PHF21A: variants seen among roughly 807,000 people sequenced by gnomAD.
PHF21A encodes the protein PHD finger protein 21A.
In PHF21A, 11 loss-of-function variants were observed where a neutral mutation model predicts 82.5. The ratio of observed to expected loss-of-function variants is 0.13; its 90% CI spans 0.08 to 0.22. PHF21A has a LOEUF of 0.22. Among genes scored for constraint, PHF21A ranks in the 10% least tolerant of loss-of-function variants. The pLI is 1.00. For missense variants in PHF21A, 579 were observed against 837.8 expected, an observed-to-expected ratio of 0.69 and a Z score of 3.81; for synonymous variants, 297 against 302.8, an observed-to-expected ratio of 0.98 and a Z score of 0.20.
chr11:45,969,787 T>C, intron 9 of PHF21A, 28 bp downstream of exon 9: 4 of 1,448,220 alleles, frequency 2.8e-6, no homozygotes, highest in East Asian at 2.3e-5. Flanking sequence ...ATCTAACCTA[T>C]CATTGAGCTT....
chr11:46,017,706 A>T (rs2095544497), intron 6 of PHF21A, among the ~76,000 whole-genome samples: 1 of 152,236 alleles, frequency 6.6e-6, no homozygotes, highest in Admixed American at 6.5e-5. Context: ...ACATAAATCA[A>T]ATGCAAATGA....
chr11:46,076,042 G>A (rs1044844957), intron 6 of PHF21A, among the ~76,000 whole-genome samples: 2 of 152,138 alleles, frequency 1.3e-5, no homozygotes, highest in African/African-American at 4.8e-5. Context: ...GAAGAAACAA[G>A]AAAACAAATG....
chr11:46,006,765 T>C (rs2095305653), intron 6 of PHF21A, among the ~76,000 whole-genome samples: 1 of 152,240 alleles, frequency 6.6e-6, no homozygotes, highest in African/African-American at 2.4e-5. Flanking sequence ...TGTGATATAC[T>C]TGCCTACAAT....
chr11:46,019,868 C>A (rs1361365221), intron 6 of PHF21A, among the ~76,000 whole-genome samples: 3 of 152,130 alleles, frequency 2.0e-5, no homozygotes, highest in Non-Finnish European at 4.4e-5. Context: ...GACCACACAA[C>A]CATTAAGAAG....
intron 6 of PHF21A, among the ~76,000 whole-genome samples, chr11:46,013,560 T>C (rs936427505): frequency 6.6e-6 from 1 of 152,188 alleles, no homozygotes; most frequent in African/African-American, 2.4e-5. Flanking sequence ...TCTCTCCCCA[T>C]CTAAAGTAGA....
chr11:45,968,401 C>G (rs2093573750), intron 9 of PHF21A, among the ~76,000 whole-genome samples: 1 of 152,208 alleles, frequency 6.6e-6, no homozygotes, highest in Admixed American at 6.5e-5. Context: ...CTAACTAACT[C>G]TAGCCTGCAT....
intron 9 of PHF21A, among the ~76,000 whole-genome samples, chr11:45,969,181 A>G (rs535112712): frequency 6.6e-6 from 1 of 152,266 alleles, no homozygotes; most frequent in African/African-American, 2.4e-5. Flanking sequence ...CCTTCCTACC[A>G]AGGAAGTCAA....
intron 6 of PHF21A, among the ~76,000 whole-genome samples, chr11:46,033,196 T>C (rs779884832): frequency 1.3e-5 from 2 of 152,224 alleles, no homozygotes; most frequent in African/African-American, 2.4e-5. Context: ...TATTCCACCA[T>C]AGGAGTGTCC....
intron 15 of PHF21A, among the ~76,000 whole-genome samples, chr11:45,940,917 A>C (rs778156440): frequency 6.6e-6 from 1 of 152,216 alleles, no homozygotes. Context: ...AAGAAACAGA[A>C]GGCAGAAAGA....
At chr11:46,003,577 G>A (rs1236130544) in intron 6 of PHF21A, among the ~76,000 whole-genome samples, 1 of 152,014 alleles carries the variant, frequency 6.6e-6, no homozygotes, top group African/African-American at 2.4e-5. Context: ...TTTCACGAAG[G>A]GCAGAGTGAG....
At chr11:45,998,732 G>A (rs567462704) in intron 6 of PHF21A, among the ~76,000 whole-genome samples, 1 of 151,826 alleles carries the variant, frequency 6.6e-6, no homozygotes, top group South Asian at 2.1e-4. Context: ...GGCTGGTCTC[G>A]AACTTCGGAC....
intron 6 of PHF21A, among the ~76,000 whole-genome samples, chr11:45,993,794 T>C (rs1423450824): frequency 6.6e-6 from 1 of 151,476 alleles, no homozygotes; most frequent in African/African-American, 2.4e-5. Context: ...GAGGAGCCAG[T>C]GGATGCAGTG....
intron 15 of PHF21A, among the ~76,000 whole-genome samples, chr11:45,942,700 T>TA (rs1292391298): frequency 6.6e-6 from 1 of 152,242 alleles, no homozygotes; most frequent in African/African-American, 2.4e-5. Context: ...TCTATGACCC[T>TA]AGTCCTCCAA....
At chr11:46,114,770 A>C (rs1457552932) in intron 1 of PHF21A, among the ~76,000 whole-genome samples, 1 of 152,222 alleles carries the variant, frequency 6.6e-6, no homozygotes, top group South Asian at 2.1e-4. Context: ...GGAGATGCAC[A>C]TGGTTAACAA....
intron 6 of PHF21A, among the ~76,000 whole-genome samples, chr11:46,013,768 G>A (rs577685032): frequency 2.0e-5 from 3 of 152,104 alleles, no homozygotes; most frequent in Non-Finnish European, 4.4e-5. Context: ...AATACCATAG[G>A]TAACAATGGT....
intron 6 of PHF21A, among the ~76,000 whole-genome samples, chr11:46,025,413 T>C (rs776535588): frequency 6.6e-6 from 1 of 152,254 alleles, no homozygotes; most frequent in Admixed American, 6.5e-5. Flanking sequence ...CCTTTCTTCC[T>C]GCTTTAGCAC....
chr11:45,989,337 A>T (rs879484456), intron 6 of PHF21A, among the ~76,000 whole-genome samples: 1 of 152,056 alleles, frequency 6.6e-6, no homozygotes, highest in Admixed American at 6.6e-5. Context: ...TCTCTTAATG[A>T]ATAAAACAAA....
In PHF21A at chr11:45,935,744, A is replaced by G; in HGVS notation, c.1685-5T>C. 1 of 280,070 alleles carries G rather than the reference A, an allele frequency of 3.6e-6. No homozygotes were observed. The highest frequency in any genetic ancestry group is 6.0e-6 in the Non-Finnish European group (1 of 167,842). 17.3% of individuals were successfully genotyped at this position (280,070 alleles called of 1,614,324 possible). On this transcript the variant is annotated splice_region_variant and splice_polypyrimidine_tract_variant and intron_variant, in intron 17 of 18. Coordinates refer to ENST00000676320, the MANE Select transcript of PHF21A (RefSeq NM_001352027.3). The stretch of plus-strand genomic sequence containing the variant: ...TCTGTTTCTCTTCTTCTTTTGCTAA[A>G]AAAAAAAAAAAAAAAAAAAAGGAAC...
intron 9 of PHF21A, among the ~76,000 whole-genome samples, chr11:45,966,837 T>C (rs908161258): frequency 2.0e-5 from 3 of 152,108 alleles, no homozygotes; most frequent in African/African-American, 7.2e-5. Context: ...CAGGATGGTA[T>C]CAATCTTCTG....
Sources: allele counts gnomAD v4.1 joint callset (sites outside exome capture counted in the v4.1 genomes callset), GRCh38; gene constraint gnomAD v4.1.1; transcripts MANE v1.5; gene names NCBI Gene and HGNC (gene_info 2026-07-23, HGNC 2026-07-21).